Variants in SKAP1 observed in about 807,000 individuals in gnomAD.
The protein encoded by SKAP1 is src kinase associated phosphoprotein 1, also known as src kinase-associated phosphoprotein 1.
SKAP1 carries 44 observed loss-of-function variants against 58.5 expected under a neutral mutation model. That is an observed-to-expected ratio of 0.75 (90% confidence interval 0.59 to 0.97). The LOEUF is 0.97. Ranked by LOEUF, SKAP1 falls within the 50% of genes least tolerant of loss-of-function variation. The pLI, the probability that SKAP1 is intolerant of heterozygous loss-of-function variation, is 0.00. For missense variants in SKAP1, 390 were observed against 435.2 expected, an observed-to-expected ratio of 0.90 and a Z score of 0.92; for synonymous variants, 127 against 149.7, an observed-to-expected ratio of 0.85 and a Z score of 1.11.
chr17:48,158,567 CA>C (rs1171183021), intron 11 of SKAP1, among the ~76,000 whole-genome samples: 9 of 61,512 alleles, frequency 1.5e-4, no homozygotes, highest in African/African-American at 2.0e-4. Context: ...GACTCTGTCT[CA>C]AAAAAAAAAA....
At chr17:48,257,628 C>CTTTTTTTTTTTTTTTTTTTTT (rs56225931) in intron 4 of SKAP1, among the ~76,000 whole-genome samples, 52 of 111,148 alleles carry the variant, frequency 4.7e-4, no homozygotes, top group Middle Eastern at 4.6e-3. Context: ...TTCTTTCTTT[C>CTTTTTTTTTTTTTTTTTTTTT]TTTTTTTTTT....
chr17:48,193,862 G>C (rs2064585227), intron 4 of SKAP1: 1 of 409,728 alleles, frequency 2.4e-6, no homozygotes, highest in Non-Finnish European at 3.3e-6. Context: ...ATAAAAATAG[G>C]AAGAAGTTGC....
In SKAP1 at chr17:48,212,429, A is replaced by G. The variant is rs78981490; in HGVS notation, c.281-22929T>C. On this transcript the variant is annotated intron_variant, in intron 4 of 12. Coordinates refer to ENST00000336915, the MANE Select transcript of SKAP1 (RefSeq NM_003726.4). ...GTCCAAGTTCCTGAAGTTAACTTCT[A>G]TAACACTGTCAGGAGCAGAACAACA... is the stretch of plus-strand genomic sequence containing the variant. 4.7e-3 allele frequency among the ~76,000 whole-genome samples: 713 copies of G among 152,350 alleles called. 3 individuals are homozygous for G. Among genetic ancestry groups the G allele is most frequent in the African/African-American group, 0.016 (668 of 41,588 alleles).
intron 4 of SKAP1, among the ~76,000 whole-genome samples, chr17:48,298,440 C>T (rs985264858): frequency 3.2e-4 from 49 of 152,170 alleles, no homozygotes; most frequent in African/African-American, 1.2e-3. Context: ...TTTCAGGAAT[C>T]CAAGAGTTTA....
At chr17:48,364,414 C>A (rs538106643) in intron 2 of SKAP1, among the ~76,000 whole-genome samples, 1 of 152,136 alleles carries the variant, frequency 6.6e-6, no homozygotes, top group Non-Finnish European at 1.5e-5. Context: ...TGGTGGCTCA[C>A]GCCTGTAATC....
At chr17:48,259,542 G>T (rs991814291) in intron 4 of SKAP1, among the ~76,000 whole-genome samples, 2 of 152,026 alleles carry the variant, frequency 1.3e-5, no homozygotes, top group Admixed American at 6.6e-5. Flanking sequence ...TGCTTTATAA[G>T]AAATTATTAA....
chr17:48,268,275 C>A (rs1470832), intron 4 of SKAP1, among the ~76,000 whole-genome samples: 17,000 of 114,520 alleles, frequency 0.15, 1,088 homozygotes, highest in East Asian at 0.24. Context: ...AAAAAAAAAA[C>A]AAAAAACCCA....
At chr17:48,233,591 A>T (rs1420260664) in intron 4 of SKAP1, among the ~76,000 whole-genome samples, 2 of 151,854 alleles carry the variant, frequency 1.3e-5, no homozygotes, top group African/African-American at 2.4e-5. Context: ...GTGGTGGCTT[A>T]CACCTGTAAT....
intron 4 of SKAP1, among the ~76,000 whole-genome samples, chr17:48,316,876 T>A (rs114384163): frequency 6.6e-6 from 1 of 152,336 alleles, no homozygotes; most frequent in African/African-American, 2.4e-5. Flanking sequence ...CCTTATGGTA[T>A]CTATCACTAT....
At chr17:48,343,489 G>A (rs1005687246) in intron 4 of SKAP1, among the ~76,000 whole-genome samples, 1 of 152,032 alleles carries the variant, frequency 6.6e-6, no homozygotes, top group Admixed American at 6.6e-5. Flanking sequence ...TTACAATCAA[G>A]TTTTTAACAT....
chr17:48,274,534 T>C (rs1343938299), intron 4 of SKAP1, among the ~76,000 whole-genome samples: 2 of 151,960 alleles, frequency 1.3e-5, no homozygotes, highest in Non-Finnish European at 2.9e-5. Flanking sequence ...CCGTCTCTAC[T>C]AAAAATACAA....
chr17:48,386,538 T>C (rs965501409), intron 2 of SKAP1, among the ~76,000 whole-genome samples: 1 of 152,228 alleles, frequency 6.6e-6, no homozygotes, highest in African/African-American at 2.4e-5. Flanking sequence ...GAGTCTGCAT[T>C]GCTAACAAGT....
intron 3 of SKAP1, among the ~76,000 whole-genome samples, chr17:48,348,669 T>G (rs1349452482): frequency 6.6e-6 from 1 of 152,212 alleles, no homozygotes; most frequent in East Asian, 1.9e-4. Context: ...TTTTCTGTTT[T>G]GGGATCCAAT....
chr17:48,161,526 T>G (rs2064069062), intron 11 of SKAP1, among the ~76,000 whole-genome samples: 1 of 152,260 alleles, frequency 6.6e-6, no homozygotes, highest in Non-Finnish European at 1.5e-5. Context: ...GTTCTGAATC[T>G]TCTTCACATC....
rs113892397 is a variant in SKAP1, at chr17:48,200,791, G to A, written c.281-11291C>T. 1.2e-3 allele frequency among the ~76,000 whole-genome samples: 186 copies of A among 152,328 alleles called. 1 individual carries two copies. The highest frequency in any genetic ancestry group is 4.5e-3 in the African/African-American group (186 of 41,566). On this transcript the variant is annotated intron_variant, in intron 4 of 12. Coordinates refer to ENST00000336915, the MANE Select transcript of SKAP1 (RefSeq NM_003726.4). ...GATACTAATTATTTAATTTCTGGAA[G>A]CCTAAAGAAAAGCTGCCAGTGGGAA...
chr17:48,318,954 A>G (rs948330829), intron 4 of SKAP1, among the ~76,000 whole-genome samples: 1 of 152,224 alleles, frequency 6.6e-6, no homozygotes, highest in African/African-American at 2.4e-5. Context: ...AACTTAATGT[A>G]AATAACCTTC....
rs551720442 is a variant in SKAP1 at position 48,193,672 on chromosome 17, G to A, written c.281-4172C>T. On this transcript the variant is annotated intron_variant, in intron 4 of 12. Coordinates refer to ENST00000336915, the MANE Select transcript of SKAP1 (RefSeq NM_003726.4). The stretch of plus-strand genomic sequence containing the variant: ...AGGTACCTCCTCTTTCAGTGTCAGC[G>A]CAGGGTCCTACTGATCAAGAACTAG... 1.9e-5 allele frequency: 19 copies of A among 984,310 alleles called. No homozygotes were observed. In the East Asian group the frequency reaches 1.1e-3, roughly 59 times the overall value. The allele number at this position is 984,310 out of a possible 1,614,324, so 61.0% of individuals were successfully genotyped here.
chr17:48,397,377 C>T (rs1021022527), intron 1 of SKAP1, among the ~76,000 whole-genome samples: 2 of 152,140 alleles, frequency 1.3e-5, no homozygotes, highest in African/African-American at 4.8e-5. Flanking sequence ...AGGCGCATGC[C>T]GCCAAGCCCG....
intron 6 of SKAP1, among the ~76,000 whole-genome samples, chr17:48,187,256 G>T (rs2064469654): frequency 6.6e-6 from 1 of 152,188 alleles, no homozygotes; most frequent in African/African-American, 2.4e-5. Context: ...GTCAGTGGTG[G>T]CTCATTAAGA....
Sources: allele counts gnomAD v4.1 joint callset (sites outside exome capture counted in the v4.1 genomes callset), GRCh38; gene constraint gnomAD v4.1.1; transcripts MANE v1.5; gene names NCBI Gene and HGNC (gene_info 2026-07-23, HGNC 2026-07-21).